Variants in CSMD1 observed in about 807,000 individuals in gnomAD.
The protein encoded by CSMD1 is CUB and Sushi multiple domains 1, also known as CUB and sushi domain-containing protein 1.
CSMD1 carries 213 observed loss-of-function variants against 417.5 expected under a neutral mutation model. The observed-to-expected ratio is 0.51, with a 90% CI of 0.46 to 0.57. The LOEUF is 0.57. CSMD1 is among the 20% of genes least tolerant of loss of function. CSMD1 has a pLI of 0.00. For synonymous variants in CSMD1, 2,862 were observed against 1,736.8 expected (o/e 1.65, Z -16.11); for missense variants, 6,923 against 4,529.7 (o/e 1.53, Z -15.17).
intron 26 of CSMD1, among the ~76,000 whole-genome samples, chr8:3,241,968 C>A (rs931479548): frequency 1.5e-5 from 2 of 132,446 alleles, no homozygotes; most frequent in Non-Finnish European, 3.3e-5. Flanking sequence ...GAGAATAAGA[C>A]GGCCTTTTGA....
chr8:4,220,064 C>G (rs771114374), intron 3 of CSMD1, among the ~76,000 whole-genome samples: 4 of 152,120 alleles, frequency 2.6e-5, no homozygotes, highest in African/African-American at 7.2e-5. Flanking sequence ...ATTCTCGTGC[C>G]TCAGCCTCCC....
chr8:4,255,918 T>G (rs946971066), intron 3 of CSMD1, among the ~76,000 whole-genome samples: 1 of 152,318 alleles, frequency 6.6e-6, no homozygotes, highest in African/African-American at 2.4e-5. Context: ...TAGCCTTTGT[T>G]GTGTTCTTGA....
At chr8:4,305,605 A>C (rs988440763) in intron 3 of CSMD1, among the ~76,000 whole-genome samples, 2 of 152,228 alleles carry the variant, frequency 1.3e-5, no homozygotes, top group Non-Finnish European at 2.9e-5. Flanking sequence ...CTTTCAATAC[A>C]GAATCCACGT....
At chr8:3,834,932 G>T (rs995140816) in intron 5 of CSMD1, among the ~76,000 whole-genome samples, 2 of 151,960 alleles carry the variant, frequency 1.3e-5, no homozygotes, top group Non-Finnish European at 2.9e-5. Context: ...CTTCTCAAAA[G>T]AAGACATTTA....
chr8:4,843,289 C>A (rs921289865), intron 1 of CSMD1, among the ~76,000 whole-genome samples: 1 of 152,164 alleles, frequency 6.6e-6, no homozygotes, highest in Admixed American at 6.5e-5. Flanking sequence ...TGGCCCAGTA[C>A]TTGTACCAGT....
intron 3 of CSMD1, among the ~76,000 whole-genome samples, chr8:4,133,828 A>C (rs1318461168): frequency 1.3e-5 from 2 of 152,146 alleles, no homozygotes; most frequent in African/African-American, 4.8e-5. Context: ...ATCTCCTCTG[A>C]AACACACACC....
chr8:4,593,351 T>G (rs2617091), intron 2 of CSMD1, among the ~76,000 whole-genome samples: 64,588 of 152,072 alleles, frequency 0.42, 13,859 homozygotes, highest in South Asian at 0.47. Context: ...TAAATCCTTG[T>G]TATTGTCATG....
At chr8:4,375,599 G>A (rs180758379) in intron 3 of CSMD1, among the ~76,000 whole-genome samples, 6 of 152,220 alleles carry the variant, frequency 3.9e-5, no homozygotes, top group South Asian at 2.1e-4. Context: ...GAGGAAGAAG[G>A]CTCACTGGCT....
intron 7 of CSMD1, among the ~76,000 whole-genome samples, chr8:3,698,768 C>A (rs772132299): frequency 6.6e-6 from 1 of 152,134 alleles, no homozygotes; most frequent in African/African-American, 2.4e-5. Flanking sequence ...TATCCATATG[C>A]GGACTAATAG....
At chr8:4,961,399 C>T (rs1216112482) in intron 1 of CSMD1, among the ~76,000 whole-genome samples, 1 of 152,130 alleles carries the variant, frequency 6.6e-6, no homozygotes, top group African/African-American at 2.4e-5. Flanking sequence ...TTTGTCTCAA[C>T]TTCACTTTTC....
intron 3 of CSMD1, among the ~76,000 whole-genome samples, chr8:4,280,297 T>A (rs1396857174): frequency 6.6e-6 from 1 of 152,206 alleles, no homozygotes; most frequent in Non-Finnish European, 1.5e-5. Context: ...ATGTAGTATA[T>A]AATAAGCTTT....
At chr8:4,787,756 A>C in intron 1 of CSMD1, 3 of 1,588,740 alleles carry the variant, frequency 1.9e-6, no homozygotes, top group Non-Finnish European at 2.6e-6. Flanking sequence ...GATTGCTGCA[A>C]AATTTTGCTT....
At chr8:3,852,375 T>A (rs1201462654) in intron 5 of CSMD1, among the ~76,000 whole-genome samples, 1 of 152,024 alleles carries the variant, frequency 6.6e-6, no homozygotes, top group Non-Finnish European at 1.5e-5. Flanking sequence ...CCCTCTCTAC[T>A]CCCAGCCAAG....
intron 26 of CSMD1, among the ~76,000 whole-genome samples, chr8:3,242,792 G>A (rs1195758161): frequency 1.3e-5 from 2 of 149,322 alleles, no homozygotes; most frequent in African/African-American, 4.9e-5. Flanking sequence ...CAGACAAGCG[G>A]GAAAGGGGTT....
At chr8:4,701,806 T>A (rs1807575376) in intron 1 of CSMD1, among the ~76,000 whole-genome samples, 1 of 152,136 alleles carries the variant, frequency 6.6e-6, no homozygotes, top group Non-Finnish European at 1.5e-5. Context: ...TGAAGATGCA[T>A]AATCTCATAT....
At chr8:3,367,331 G>C in intron 19 of CSMD1, 84 bp from the exon 20 acceptor site, 5 of 823,388 alleles carry the variant, frequency 6.1e-6, no homozygotes, top group Non-Finnish European at 7.9e-6. Context: ...GGGGCAGAGA[G>C]AGACAGAGAC....
At chr8:4,180,322 C>G (rs1441991417) in intron 3 of CSMD1, among the ~76,000 whole-genome samples, 1 of 150,072 alleles carries the variant, frequency 6.7e-6, no homozygotes. Context: ...TAAACTATTG[C>G]AAGGACAAAA....
chr8:4,698,191 C>T (rs1807264468), intron 1 of CSMD1, among the ~76,000 whole-genome samples: 1 of 149,598 alleles, frequency 6.7e-6, no homozygotes, highest in Non-Finnish European at 1.5e-5. Context: ...CTTTCTGCAC[C>T]TTCATCTGTA....
chr8:3,914,905 C>G (rs1327823126), intron 5 of CSMD1, among the ~76,000 whole-genome samples: 1 of 152,084 alleles, frequency 6.6e-6, no homozygotes, highest in East Asian at 1.9e-4. Flanking sequence ...TACAGAATAA[C>G]TCAATAATTA....
Sources: allele counts gnomAD v4.1 joint callset (sites outside exome capture counted in the v4.1 genomes callset), GRCh38; gene constraint gnomAD v4.1.1; transcripts MANE v1.5; gene names NCBI Gene and HGNC (gene_info 2026-07-23, HGNC 2026-07-21).